SAFB2: variants seen among roughly 807,000 people sequenced by gnomAD.
The protein encoded by SAFB2 is scaffold attachment factor B2.
SAFB2 carries 32 observed loss-of-function variants against 100.6 expected under a neutral mutation model. The observed-to-expected ratio is 0.32, with a 90% CI of 0.24 to 0.43. The LOEUF (loss-of-function observed/expected upper bound fraction) is 0.43. Among genes scored for constraint, SAFB2 ranks in the 20% least tolerant of loss-of-function variants. SAFB2 has a pLI of 1.00. For synonymous variants in SAFB2, 500 were observed against 439.4 expected (o/e 1.14, Z -1.72); for missense variants, 1,185 against 1,163.4 (o/e 1.02, Z -0.27).
At chr19:5,610,274 A>G in intron 8 of SAFB2, 179 bp from the exon 9 acceptor site, 1 of 607,520 alleles carries the variant, frequency 1.6e-6, no homozygotes, top group Non-Finnish European at 2.9e-6. Flanking sequence ...GACAGCAAAA[A>G]CTGAGTTTCC....
At chr19:5,599,481 T>C (rs1354355349) in intron 12 of SAFB2, among the ~76,000 whole-genome samples, 3 of 152,224 alleles carry the variant, frequency 2.0e-5, no homozygotes, top group African/African-American at 7.2e-5. Flanking sequence ...CAGGGTAAAT[T>C]AGCCCGAGAG....
intron 4 of SAFB2, chr19:5,613,743 TG>T: frequency 1.0e-6 from 1 of 985,436 alleles, no homozygotes; most frequent in Non-Finnish European, 1.2e-6. Flanking sequence ...GGCCTGCAGG[TG>T]GGTATGCCCT....
chr19:5,592,765 T>C lies in SAFB2; in HGVS notation c.2330A>G (p.Gln777Arg). 1.9e-6 allele frequency: 3 copies of C among 1,614,090 alleles called. No individual in the cohort carries two copies. The highest frequency in any genetic ancestry group is 1.7e-6 in the Non-Finnish European group (2 of 1,179,986). The change falls in exon 16 of 21, where the codon CAG (glutamine) becomes CGG (arginine). Residue 777 changes from glutamine to arginine, a missense_variant. Gln to Arg is a conservative substitution (Grantham distance 43). Coordinates refer to ENST00000252542, the MANE Select transcript of SAFB2 (RefSeq NM_014649.3). Reference sequence around the variant, plus strand: ...CACTGACCTGTCGATGGCGTGGTCCTGGTACTGGCCCCGGTCTCGATGATC... The same window carrying C: ...CACTGACCTGTCGATGGCGTGGTCCCGGTACTGGCCCCGGTCTCGATGATC... Reference protein sequence around the residue: ...DFDHRDRGQYQDHAIDRREGS... With the variant: ...DFDHRDRGQYRDHAIDRREGS...
At chr19:5,601,318 A>G (rs976064058) in intron 11 of SAFB2, among the ~76,000 whole-genome samples, 1 of 152,194 alleles carries the variant, frequency 6.6e-6, no homozygotes, top group Non-Finnish European at 1.5e-5. Context: ...TGACCGCAGT[A>G]ATCTACAGTG....
At position 5,587,176 on chromosome 19, in the gene SAFB2, C is replaced by CGAGGGA; in HGVS notation, c.*61_*66dup. The CGAGGGA allele has an allele frequency of 1.3e-6, 2 of 1,581,034 alleles. No individual in the cohort carries two copies. The highest frequency in any genetic ancestry group is 8.6e-7 in the Non-Finnish European group (1 of 1,156,534). On this transcript the variant is annotated 3_prime_UTR_variant, in exon 21 of 21. Transcript: ENST00000252542. The surrounding 1 kb of genome is among the most constrained non-coding windows in gnomAD (Gnocchi z 4.9). The stretch of plus-strand genomic sequence containing the variant: ...TGCTTTTAAAAAGATCCCCCAAGTT[C>CGAGGGA]GAGGGAACCCTGGCTACCAGATTCA...
intron 14 of SAFB2, among the ~76,000 whole-genome samples, chr19:5,595,001 A>C (rs2052506232): frequency 6.6e-6 from 1 of 152,136 alleles, no homozygotes; most frequent in Non-Finnish European, 1.5e-5. Flanking sequence ...AGTGCACGCC[A>C]CCATGCCCAG....
chr19:5,587,950 C>T lies in SAFB2; in HGVS notation c.2556G>A (p.Gln852=), dbSNP rs775839673. The change falls in exon 19 of 21, where the codon CAG becomes CAA. Residue 852 remains glutamine, a synonymous_variant. Transcript: ENST00000252542. This position sits in a 1 kb window ranked among gnomAD's most constrained non-coding sequence, Gnocchi z 4.9. ...RGGRDWGEHN[Q]RLEEHQARAW... ...CGCGTGCCTGGTGCTCCTCTAGCCG[C>T]TGGTTGTGCTCTCCCCAGTCACGGC... 9.3e-6 allele frequency: 15 copies of T among 1,612,892 alleles called. No individual in the cohort carries two copies. Among genetic ancestry groups the T allele is most frequent in the Middle Eastern group, 3.3e-4 (2 of 6,084 alleles).
chr19:5,587,740 G>A lies in SAFB2; in HGVS notation c.2666C>T (p.Ser889Leu), dbSNP rs1160220400. The A allele has an allele frequency of 1.1e-5, 17 of 1,552,360 alleles. No homozygotes were observed. The highest frequency in any genetic ancestry group is 2.4e-5 in the East Asian group (1 of 41,020). Residue 889 changes from serine (S) to leucine (L), a missense_variant, in exon 20 of 21, where the codon TCG becomes TTG. Physicochemically the swap from Ser to Leu is moderately radical, Grantham distance 145. Transcript: ENST00000252542. The surrounding 1 kb of genome is among the most constrained non-coding windows in gnomAD (Gnocchi z 4.9). ...GCGGCTTGCCATGTGCCCCGGCCCC[G>A]AGGGCCCAGACAGGCCCCTCTCGCC... ...QGGERGLSGP[S>L]GPGHMASRGG...
chr19:5,595,727 G>C (rs1385108853), intron 13 of SAFB2, among the ~76,000 whole-genome samples: 3 of 152,238 alleles, frequency 2.0e-5, no homozygotes, highest in African/African-American at 4.8e-5. Flanking sequence ...TCATGGAAGA[G>C]AAGAGGTTGG....
At chr19:5,619,822 G>C (rs918689255) in intron 2 of SAFB2, among the ~76,000 whole-genome samples, 1 of 149,242 alleles carries the variant, frequency 6.7e-6, no homozygotes, top group African/African-American at 2.5e-5. Context: ...TCCAGCCTGG[G>C]CAACAACAGC....
intron 1 of SAFB2, among the ~76,000 whole-genome samples, 193 bp downstream of exon 1, chr19:5,622,337 G>A (rs1300401040): frequency 1.3e-5 from 2 of 152,178 alleles, no homozygotes; most frequent in African/African-American, 2.4e-5. Flanking sequence ...AGGATAGGAA[G>A]GGAGGCACAG....
intron 11 of SAFB2, 108 bp downstream of exon 11, chr19:5,604,466 AGCTGGCAAG>A: frequency 1.5e-6 from 1 of 667,066 alleles, no homozygotes; most frequent in Non-Finnish European, 2.6e-6. Context: ...TCCAGCAGGA[AGCTGGCAAG>A]GCTGCGTGGG....
chr19:5,594,915 C>T (rs2052503812), intron 14 of SAFB2, among the ~76,000 whole-genome samples: 1 of 152,184 alleles, frequency 6.6e-6, no homozygotes, highest in Non-Finnish European at 1.5e-5. Context: ...CTGTTGTGAT[C>T]ACAGCTCACT....
chr19:5,587,005 T>C lies in SAFB2; in HGVS notation c.*238A>G, dbSNP rs530966553. ...GTGCACGCGCACGCAAGACTGCGAA[T>C]GGTAAACTTTATTAATGGAAAATGG... On this transcript the variant is annotated 3_prime_UTR_variant, in exon 21 of 21. Coordinates refer to ENST00000252542, the MANE Select transcript of SAFB2 (RefSeq NM_014649.3). The surrounding 1 kb of genome is among the most constrained non-coding windows in gnomAD (Gnocchi z 4.9). 1.1e-3 allele frequency: 682 copies of C among 603,206 alleles called. 1 individual carries two copies. The highest frequency in any genetic ancestry group is 1.8e-3 in the Middle Eastern group (4 of 2,166). The allele number at this position is 603,206 out of a possible 1,614,324, so 37.4% of individuals were successfully genotyped here.
At chr19:5,589,917 G>C (rs1010785431) in intron 18 of SAFB2, among the ~76,000 whole-genome samples, 5 of 152,186 alleles carry the variant, frequency 3.3e-5, no homozygotes, top group Admixed American at 3.3e-4. Context: ...AGGCAACGTG[G>C]AGGCAGGGGC....
At position 5,598,534 on chromosome 19, in the gene SAFB2, C is replaced by T. The variant is rs191447239; in HGVS notation, c.1782+259G>A. 329 of 500,646 alleles carry T rather than the reference C, an allele frequency of 6.6e-4. 1 individual carries two copies. The highest frequency in any genetic ancestry group is 5.5e-3 in the African/African-American group (285 of 51,858). The allele number at this position is 500,646 out of a possible 1,614,324, so 31.0% of individuals were successfully genotyped here. On this transcript the variant is annotated intron_variant, in intron 13 of 20. Coordinates refer to ENST00000252542, the MANE Select transcript of SAFB2 (RefSeq NM_014649.3). ...CCCATCCCACCCTATGGTGAGCTGC[C>T]GTGTGAACCAATGCTCTGTCTGAAG...
At chr19:5,588,868 ATACTT>A (rs1370850885) in intron 18 of SAFB2, 2 of 152,264 alleles carry the variant, frequency 1.3e-5, no homozygotes, top group Admixed American at 6.5e-5. Flanking sequence ...CGTGTGAACT[ATACTT>A]AAAGAAAGCT....
In SAFB2 at chr19:5,587,754, G is replaced by A; in HGVS notation, c.2652C>T (p.Gly884=). The A allele has an allele frequency of 3.2e-6, 5 of 1,552,410 alleles. No homozygotes were observed. Among genetic ancestry groups the A allele is most frequent in the Non-Finnish European group, 4.4e-6 (5 of 1,147,546 alleles). ...EHARWQGGER[G]LSGPSGPGHM... is the part of the protein sequence containing the mutation. ...GCCCCGGCCCCGAGGGCCCAGACAG[G>A]CCCCTCTCGCCACCTAGAAGAGAAG... The change falls in exon 20 of 21, where the codon GGC becomes GGT. Residue 884 remains glycine, a synonymous_variant. Transcript: ENST00000252542. The surrounding 1 kb of genome is among the most constrained non-coding windows in gnomAD (Gnocchi z 4.9).
intron 15 of SAFB2, among the ~76,000 whole-genome samples, chr19:5,593,384 CGGAGAGCGGG>C (rs1220481855): frequency 6.6e-6 from 1 of 152,196 alleles, no homozygotes; most frequent in Non-Finnish European, 1.5e-5. Flanking sequence ...ACTAGGCTCA[CGGAGAGCGGG>C]GTGAAGGGTG....
Sources: allele counts gnomAD v4.1 joint callset (sites outside exome capture counted in the v4.1 genomes callset), GRCh38; gene constraint gnomAD v4.1.1; non-coding constraint Gnocchi (gnomAD v3.1); transcripts MANE v1.5; gene names NCBI Gene and HGNC (gene_info 2026-07-23, HGNC 2026-07-21).